The following PAK5 variants were observed in gnomAD, a reference collection of about 807,000 sequenced individuals.
PAK5 encodes the protein p21 (RAC1) activated kinase 5.
Under a neutral mutation model 65.9 loss-of-function variants are expected in PAK5, and 16 were observed. That is an observed-to-expected ratio of 0.24 (90% CI 0.16 to 0.37). PAK5 has a LOEUF of 0.37. Ranked by LOEUF, PAK5 falls within the 10% of genes least tolerant of loss-of-function variation. The pLI, the probability that PAK5 is intolerant of heterozygous loss-of-function variation, is 1.00. For missense variants in PAK5, 785 were observed against 903.9 expected, an observed-to-expected ratio of 0.87 and a Z score of 1.69; for synonymous variants, 371 against 354.9, an observed-to-expected ratio of 1.05 and a Z score of -0.51.
At chr20:9,697,389 GT>G (rs1434164211) in intron 2 of PAK5, among the ~76,000 whole-genome samples, 3 of 151,938 alleles carry the variant, frequency 2.0e-5, no homozygotes, top group Non-Finnish European at 4.4e-5. Context: ...TCTCCATGTT[GT>G]TTTACCTGCC....
At chr20:9,570,087 C>G (rs1395890944) in intron 4 of PAK5, among the ~76,000 whole-genome samples, 1 of 151,944 alleles carries the variant, frequency 6.6e-6, no homozygotes, top group Admixed American at 6.5e-5. Context: ...AGTCTGTTTC[C>G]TTATCCGTAA....
At chr20:9,795,720 T>C (rs1175184009) in intron 1 of PAK5, among the ~76,000 whole-genome samples, 1 of 152,030 alleles carries the variant, frequency 6.6e-6, no homozygotes, top group African/African-American at 2.4e-5. Flanking sequence ...AAAAATCCAA[T>C]AGTTCAGAAA....
chr20:9,721,370 A>G (rs2048210762), intron 1 of PAK5, among the ~76,000 whole-genome samples: 1 of 152,044 alleles, frequency 6.6e-6, no homozygotes, highest in South Asian at 2.1e-4. Context: ...AATGTTGGCC[A>G]GGTGTGGTGG....
chr20:9,601,923 C>G (rs1458698626), intron 3 of PAK5, among the ~76,000 whole-genome samples: 1 of 152,046 alleles, frequency 6.6e-6, no homozygotes, highest in African/African-American at 2.4e-5. Flanking sequence ...GACCCATGAG[C>G]AAGAAAAAGA....
intron 7 of PAK5, among the ~76,000 whole-genome samples, chr20:9,548,153 C>T (rs1180554495): frequency 6.6e-6 from 1 of 152,070 alleles, no homozygotes; most frequent in Admixed American, 6.5e-5. Context: ...AAAACCATTC[C>T]TAGGGACCAG....
At chr20:9,676,137 CA>C (rs1027199845) in intron 2 of PAK5, among the ~76,000 whole-genome samples, 3 of 151,992 alleles carry the variant, frequency 2.0e-5, no homozygotes, top group African/African-American at 7.2e-5. Context: ...AAAGCATGTG[CA>C]GGAAAACTCC....
At chr20:9,657,376 C>G (rs116701886) in intron 2 of PAK5, among the ~76,000 whole-genome samples, 1,635 of 152,140 alleles carry the variant, frequency 0.011, 29 homozygotes, top group African/African-American at 0.037. Context: ...ATGTACCATA[C>G]TTTGTTTAAC....
chr20:9,724,210 C>T (rs761125050), intron 1 of PAK5, among the ~76,000 whole-genome samples: 4 of 152,084 alleles, frequency 2.6e-5, no homozygotes, highest in Admixed American at 6.6e-5. Context: ...TTGTAGTTTA[C>T]GGAGATTTAT....
chr20:9,619,822 G>C (rs749516564), intron 3 of PAK5, among the ~76,000 whole-genome samples: 1 of 152,154 alleles, frequency 6.6e-6, no homozygotes, highest in Non-Finnish European at 1.5e-5. Flanking sequence ...TTTGACAGAA[G>C]ATCACCAGGG....
intron 3 of PAK5, among the ~76,000 whole-genome samples, chr20:9,620,467 C>T (rs981509307): frequency 2.6e-5 from 4 of 152,186 alleles, no homozygotes; most frequent in Admixed American, 6.5e-5. Context: ...GACCACATGG[C>T]GTCTGGGGCT....
At chr20:9,826,106 G>A (rs973093842) in intron 1 of PAK5, among the ~76,000 whole-genome samples, 2 of 152,168 alleles carry the variant, frequency 1.3e-5, no homozygotes, top group Non-Finnish European at 2.9e-5. Context: ...TTGCCATGAA[G>A]AAACATGGTC....
chr20:9,832,234 T>A (rs960957754), intron 1 of PAK5, among the ~76,000 whole-genome samples: 2 of 152,050 alleles, frequency 1.3e-5, no homozygotes, highest in Non-Finnish European at 2.9e-5. Context: ...ACAAGAGGAA[T>A]AGTGTGTCAA....
chr20:9,650,628 A>G (rs1033098596), intron 2 of PAK5, among the ~76,000 whole-genome samples: 1 of 151,968 alleles, frequency 6.6e-6, no homozygotes, highest in African/African-American at 2.4e-5. Flanking sequence ...TGCAGTTTTT[A>G]GTTTGTGGGT....
rs2046008342 is a variant in PAK5 at position 9,583,078 on chromosome 20, TC to T, written c.205-2149del. The stretch of plus-strand genomic sequence containing the variant: ...ATAGTATTAGAAATTAAGATTTGGT[TC>T]CAGGAATACTCATTGCTACTGGGTG... On this transcript the variant is annotated intron_variant, in intron 3 of 9. Transcript: ENST00000353224. Among the ~76,000 whole-genome samples, 4 of 152,298 alleles carry T rather than the reference TC, an allele frequency of 2.6e-5. No homozygotes were observed. In the South Asian group the frequency reaches 8.3e-4, roughly 32 times the overall value.
chr20:9,602,342 A>AAT (rs986760912), intron 3 of PAK5, among the ~76,000 whole-genome samples: 1 of 149,386 alleles, frequency 6.7e-6, no homozygotes, highest in African/African-American at 2.5e-5. Context: ...AAATAAATAA[A>AAT]ATAAACTCCA....
chr20:9,686,908 G>A (rs1286899826), intron 2 of PAK5, among the ~76,000 whole-genome samples: 1 of 152,232 alleles, frequency 6.6e-6, no homozygotes, highest in Non-Finnish European at 1.5e-5. Flanking sequence ...ATATGTGAAA[G>A]AGAAGAAAGC....
At chr20:9,750,446 A>G (rs1255704482) in intron 1 of PAK5, among the ~76,000 whole-genome samples, 1 of 152,118 alleles carries the variant, frequency 6.6e-6, no homozygotes, top group Admixed American at 6.5e-5. Flanking sequence ...AATCCTCTCA[A>G]TATTTGGGTG....
Position 9,542,703 on chromosome 20 carries a change from G to A in PAK5, c.1887C>T (p.Leu629=), listed in dbSNP as rs139238275. Residue 629 remains leucine, a synonymous_variant, in exon 9 of 10, where the codon CTC becomes CTT. Transcript: ENST00000353224. The part of the protein sequence containing the change: ...PYGTEVDIWS[L]GIMVIEMIDG... ...CAATCATTTCTATCACCATGATCCC[G>A]AGGGACCAGATGTCCACCTGTTAGG... 147 of 1,613,982 alleles carry A rather than the reference G, an allele frequency of 9.1e-5. 2 individuals are homozygous for A. The African/African-American group carries it at 1.6e-3, about 18-fold the overall frequency.
intron 1 of PAK5, among the ~76,000 whole-genome samples, chr20:9,807,797 G>C (rs1422978597): frequency 1.4e-5 from 1 of 71,942 alleles, no homozygotes; most frequent in Non-Finnish European, 3.1e-5. Context: ...AATAAATCCA[G>C]TGCAACCCTG....
Sources: allele counts gnomAD v4.1 joint callset (sites outside exome capture counted in the v4.1 genomes callset), GRCh38; gene constraint gnomAD v4.1.1; transcripts MANE v1.5; gene names NCBI Gene and HGNC (gene_info 2026-07-23, HGNC 2026-07-21).